The following TP63 variants were observed in gnomAD, a reference collection of about 807,000 sequenced individuals.
The protein encoded by TP63 is tumor protein p63, also known as tumor protein 63.
In TP63, 17 loss-of-function variants were observed where a neutral mutation model predicts 82.8. That is an observed-to-expected ratio of 0.21 (90% CI 0.14 to 0.31). The LOEUF (loss-of-function observed/expected upper bound fraction) is 0.31, where lower values mean the gene tolerates loss of function less well. Among genes scored for constraint, TP63 ranks in the 10% least tolerant of loss-of-function variants. The pLI, the probability that TP63 is intolerant of heterozygous loss-of-function variation, is 1.00. For synonymous variants in TP63, 330 were observed against 321.7 expected (o/e 1.03, Z -0.28); for missense variants, 648 against 895.3 (o/e 0.72, Z 3.52).
At chr3:189,645,391 T>A in intron 1 of TP63, 1 of 504,132 alleles carries the variant, frequency 2.0e-6, no homozygotes, top group Admixed American at 2.2e-5. Context: ...GTTTGGTCTG[T>A]CATTGTTGGA....
At chr3:189,809,933 T>G (rs1727347432) in intron 4 of TP63, among the ~76,000 whole-genome samples, 2 of 152,242 alleles carry the variant, frequency 1.3e-5, no homozygotes, top group South Asian at 4.1e-4. Context: ...TGGGCCTGTT[T>G]TTCATTTCTG....
At chr3:189,859,872 A>G (rs1170979243) in intron 4 of TP63, among the ~76,000 whole-genome samples, 1 of 152,252 alleles carries the variant, frequency 6.6e-6, no homozygotes, top group Admixed American at 6.5e-5. Context: ...AAGCCTTATC[A>G]CATAAGATTA....
chr3:189,882,826 G>A (rs539147524), intron 10 of TP63, among the ~76,000 whole-genome samples: 4 of 152,250 alleles, frequency 2.6e-5, no homozygotes, highest in East Asian at 3.9e-4. Flanking sequence ...TTTATTCTTC[G>A]GAAACTGTGC....
chr3:189,806,796 T>G (rs1318546907), intron 3 of TP63, among the ~76,000 whole-genome samples: 1 of 152,122 alleles, frequency 6.6e-6, no homozygotes, highest in East Asian at 1.9e-4. Context: ...ATGAATGTAA[T>G]GGAATGAGCA....
chr3:189,810,178 T>C (rs188986399), intron 4 of TP63, among the ~76,000 whole-genome samples: 286 of 152,346 alleles, frequency 1.9e-3, no homozygotes, highest in South Asian at 0.015. Context: ...TTTATAATTC[T>C]GGAGGCGATG....
At chr3:189,751,819 G>T (rs1479816366) in intron 3 of TP63, among the ~76,000 whole-genome samples, 2 of 152,078 alleles carry the variant, frequency 1.3e-5, no homozygotes, top group African/African-American at 4.8e-5. Context: ...AAGCTCTTTA[G>T]TTTAATTAGA....
chr3:189,821,536 C>T (rs1728795004), intron 4 of TP63, among the ~76,000 whole-genome samples: 1 of 152,172 alleles, frequency 6.6e-6, no homozygotes, highest in Non-Finnish European at 1.5e-5. Context: ...TAGAGTGTTG[C>T]CTGGGTACTG....
intron 10 of TP63, chr3:189,881,519 T>A (rs1719911331): frequency 6.1e-6 from 6 of 985,180 alleles, no homozygotes; most frequent in Non-Finnish European, 7.2e-6. Context: ...TTTGTTTCTG[T>A]CTCTCTCACT....
intron 3 of TP63, among the ~76,000 whole-genome samples, chr3:189,742,684 G>A (rs1216591774): frequency 6.6e-6 from 1 of 152,196 alleles, no homozygotes; most frequent in African/African-American, 2.4e-5. Flanking sequence ...AGCACATACA[G>A]TAGGTCTAGC....
intron 4 of TP63, among the ~76,000 whole-genome samples, chr3:189,832,166 A>G (rs1712466177): frequency 6.6e-6 from 1 of 152,120 alleles, no homozygotes; most frequent in Admixed American, 6.5e-5. Context: ...GAATCTTCAG[A>G]TGATGTCAGC....
chr3:189,610,165 G>A, the TP63 span, among the ~76,000 whole-genome samples: 2 of 152,112 alleles, frequency 1.3e-5, no homozygotes, highest in African/African-American at 4.8e-5. Flanking sequence ...TTGACTGCAT[G>A]TATGTCTACT....
intron 3 of TP63, among the ~76,000 whole-genome samples, chr3:189,799,531 A>T: frequency 6.6e-6 from 1 of 152,140 alleles, no homozygotes; most frequent in East Asian, 1.9e-4. Flanking sequence ...GCCTTGGCAC[A>T]AAAGTGTGTA....
chr3:189,655,305 CAG>C (rs1270010152), intron 1 of TP63, among the ~76,000 whole-genome samples: 3 of 152,078 alleles, frequency 2.0e-5, no homozygotes, highest in Non-Finnish European at 4.4e-5. Context: ...CACCAGAAAA[CAG>C]AGACTGTAGG....
chr3:189,702,705 G>T (rs1717905408), intron 1 of TP63, among the ~76,000 whole-genome samples: 1 of 152,206 alleles, frequency 6.6e-6, no homozygotes. Flanking sequence ...ATTCAGGATT[G>T]AGCAGAGCAA....
chr3:189,611,124 C>G, the TP63 span, among the ~76,000 whole-genome samples: 18 of 152,286 alleles, frequency 1.2e-4, no homozygotes, highest in East Asian at 3.5e-3. Flanking sequence ...GTTTCTTTTG[C>G]TGTGCCAAAG....
At chr3:189,787,414 G>A (rs1724697937) in intron 3 of TP63, among the ~76,000 whole-genome samples, 1 of 152,074 alleles carries the variant, frequency 6.6e-6, no homozygotes, top group African/African-American at 2.4e-5. Context: ...AGGGCACGGA[G>A]CTCCTGTCTC....
At chr3:189,664,782 A>AGTATTTGTT (rs1486676826) in intron 1 of TP63, among the ~76,000 whole-genome samples, 2 of 152,164 alleles carry the variant, frequency 1.3e-5, no homozygotes, top group Non-Finnish European at 2.9e-5. Flanking sequence ...ATGAAATAGT[A>AGTATTTGTT]GTATTTGTTT....
the TP63 span, among the ~76,000 whole-genome samples, chr3:189,610,663 T>C: frequency 6.6e-6 from 1 of 152,212 alleles, no homozygotes. Flanking sequence ...TCCAAACTGT[T>C]CCAACTTCTG....
At chr3:189,621,441 T>C in the TP63 span, among the ~76,000 whole-genome samples, 1 of 152,034 alleles carries the variant, frequency 6.6e-6, no homozygotes, top group Non-Finnish European at 1.5e-5. Context: ...TGTATATACA[T>C]ACATATATAT....
Sources: allele counts gnomAD v4.1 joint callset (sites outside exome capture counted in the v4.1 genomes callset), GRCh38; gene constraint gnomAD v4.1.1; transcripts MANE v1.5; gene names NCBI Gene and HGNC (gene_info 2026-07-23, HGNC 2026-07-21).